Variants in LYPD6B observed in about 807,000 individuals in gnomAD.
The protein encoded by LYPD6B is ly6/PLAUR domain-containing protein 6B.
Under a neutral mutation model 22.8 loss-of-function variants are expected in LYPD6B, and 17 were observed. That is an observed-to-expected ratio of 0.75 (90% CI 0.51 to 1.12). The LOEUF is 1.12. Among genes scored for constraint, LYPD6B ranks in the 50% most tolerant of loss-of-function variants. The pLI, the probability that LYPD6B is intolerant of heterozygous loss-of-function variation, is 0.00. For missense variants in LYPD6B, 221 were observed against 258.3 expected (o/e 0.86, Z 0.99); for synonymous variants, 106 against 91.6 (o/e 1.16, Z -0.90).
intron 1 of LYPD6B, among the ~76,000 whole-genome samples, chr2:149,116,970 C>A (rs1047320223): frequency 6.6e-6 from 1 of 152,104 alleles, no homozygotes; most frequent in Admixed American, 6.5e-5. Flanking sequence ...TTTGCAGAAT[C>A]CCCGTCTTCC....
At chr2:149,183,769 C>T (rs962061907) in intron 3 of LYPD6B, among the ~76,000 whole-genome samples, 3 of 151,768 alleles carry the variant, frequency 2.0e-5, no homozygotes, top group African/African-American at 7.3e-5. Flanking sequence ...CCTCATATAG[C>T]GCACAGTAAG....
chr2:149,046,336 G>A (rs1357564939), intron 1 of LYPD6B, among the ~76,000 whole-genome samples: 1 of 152,080 alleles, frequency 6.6e-6, no homozygotes, highest in Admixed American at 6.6e-5. Flanking sequence ...ATATACTTGA[G>A]TCTTATTTTT....
intron 1 of LYPD6B, among the ~76,000 whole-genome samples, chr2:149,099,711 C>T (rs961838998): frequency 6.6e-6 from 1 of 152,156 alleles, no homozygotes; most frequent in African/African-American, 2.4e-5. Flanking sequence ...TTCTAGTGGG[C>T]TGAAATTCAT....
At chr2:149,208,553 T>C (rs556307222) in intron 5 of LYPD6B, 141 bp downstream of exon 5, 3 of 639,666 alleles carry the variant, frequency 4.7e-6, no homozygotes, top group East Asian at 5.5e-5. Flanking sequence ...TCTTGGAAAC[T>C]GGTGTCAAAG....
chr2:149,146,604 G>A (rs1303609682), intron 2 of LYPD6B, among the ~76,000 whole-genome samples: 2 of 152,032 alleles, frequency 1.3e-5, no homozygotes, highest in African/African-American at 4.8e-5. Context: ...ATCAGGTTAG[G>A]GGTCATTTGG....
intron 3 of LYPD6B, among the ~76,000 whole-genome samples, chr2:149,189,886 C>A (rs1220977740): frequency 6.6e-6 from 1 of 152,154 alleles, no homozygotes; most frequent in Non-Finnish European, 1.5e-5. Flanking sequence ...TTTGTACCAT[C>A]TGCTGTTTGA....
At chr2:149,201,964 G>A (rs1327880164) in intron 3 of LYPD6B, among the ~76,000 whole-genome samples, 1 of 152,140 alleles carries the variant, frequency 6.6e-6, no homozygotes, top group Non-Finnish European at 1.5e-5. Context: ...CTTGTACAAT[G>A]ATAATGGCAC....
intron 3 of LYPD6B, among the ~76,000 whole-genome samples, chr2:149,196,396 G>C: frequency 6.6e-6 from 1 of 152,222 alleles, no homozygotes; most frequent in East Asian, 1.9e-4. Flanking sequence ...GTTTCAAAAT[G>C]ATAGATATCT....
At chr2:149,047,088 T>G (rs1278897866) in intron 1 of LYPD6B, among the ~76,000 whole-genome samples, 1 of 152,242 alleles carries the variant, frequency 6.6e-6, no homozygotes, top group African/African-American at 2.4e-5. Context: ...TCAGTTATCT[T>G]TTATAGCAAT....
intron 3 of LYPD6B, among the ~76,000 whole-genome samples, chr2:149,179,148 C>G (rs1691533253): frequency 6.6e-6 from 1 of 152,150 alleles, no homozygotes; most frequent in Non-Finnish European, 1.5e-5. Context: ...AAGTGCTAGT[C>G]CTTCAGGAGG....
At chr2:149,098,220 A>C (rs1685994807) in intron 1 of LYPD6B, among the ~76,000 whole-genome samples, 1 of 80,416 alleles carries the variant, frequency 1.2e-5, no homozygotes, top group African/African-American at 4.2e-5. Flanking sequence ...CTAAGACTTA[A>C]ATTTTCTTAA....
chr2:149,077,621 A>G (rs1684936409), intron 1 of LYPD6B: 1 of 152,148 alleles, frequency 6.6e-6, no homozygotes, highest in South Asian at 2.1e-4. Context: ...TTTTTCATGT[A>G]TAGTATCTTG....
At chr2:149,166,879 G>T (rs186842026) in intron 3 of LYPD6B, among the ~76,000 whole-genome samples, 1 of 151,898 alleles carries the variant, frequency 6.6e-6, no homozygotes, top group Non-Finnish European at 1.5e-5. Context: ...AGACTGCCCC[G>T]CCCCTTCCAT....
At chr2:149,187,822 G>A (rs1187279085) in intron 3 of LYPD6B, among the ~76,000 whole-genome samples, 1 of 152,192 alleles carries the variant, frequency 6.6e-6, no homozygotes, top group African/African-American at 2.4e-5. Context: ...AGCCTTCCTG[G>A]GCTGCATGCA....
intron 1 of LYPD6B, among the ~76,000 whole-genome samples, chr2:149,093,234 A>G (rs1214017215): frequency 1.3e-5 from 2 of 151,828 alleles, no homozygotes; most frequent in East Asian, 3.9e-4. Context: ...CGATCAAAGG[A>G]GTGGGGATGT....
At chr2:149,074,696 G>C (rs1439743715) in intron 1 of LYPD6B, among the ~76,000 whole-genome samples, 3 of 152,234 alleles carry the variant, frequency 2.0e-5, no homozygotes, top group African/African-American at 7.2e-5. Flanking sequence ...GAAGAAAAAT[G>C]TGAACTAAGT....
chr2:149,182,123 C>G (rs1244530134), intron 3 of LYPD6B, among the ~76,000 whole-genome samples: 1 of 152,200 alleles, frequency 6.6e-6, no homozygotes, highest in Non-Finnish European at 1.5e-5. Context: ...TGTGTGAATG[C>G]ATTTCATCTA....
intron 2 of LYPD6B, among the ~76,000 whole-genome samples, chr2:149,148,125 T>C (rs72857231): frequency 6.6e-6 from 1 of 152,338 alleles, no homozygotes; most frequent in Non-Finnish European, 1.5e-5. Context: ...TCCTGTTCTA[T>C]GGAATGCCCT....
At chr2:149,065,050 A>G (rs1443791984) in intron 1 of LYPD6B, among the ~76,000 whole-genome samples, 2 of 152,282 alleles carry the variant, frequency 1.3e-5, no homozygotes, top group East Asian at 1.9e-4. Context: ...TGAGGAGTGC[A>G]TGGTTGGGAG....
Sources: allele counts gnomAD v4.1 joint callset (sites outside exome capture counted in the v4.1 genomes callset), GRCh38; gene constraint gnomAD v4.1.1; transcripts MANE v1.5; gene names NCBI Gene and HGNC (gene_info 2026-07-23, HGNC 2026-07-21).